GNG4: variants seen among roughly 807,000 people sequenced by gnomAD.
GNG4 encodes guanine nucleotide-binding protein G(I)/G(S)/G(O) subunit gamma-4.
GNG4 carries 4 observed loss-of-function variants against 5.8 expected under a neutral mutation model. The ratio of observed to expected loss-of-function variants is 0.69; its 90% CI spans 0.34 to 1.57. The LOEUF is 1.57. Among genes scored for constraint, GNG4 ranks in the 40% most tolerant of loss-of-function variants. The pLI is 0.06. For synonymous variants in GNG4, 29 were observed against 32.9 expected (o/e 0.88, Z 0.41); for missense variants, 96 against 95.1 (o/e 1.01, Z -0.04).
At chr1:235,585,769 G>A (rs1310630165) in intron 2 of GNG4, among the ~76,000 whole-genome samples, 1 of 152,030 alleles carries the variant, frequency 6.6e-6, no homozygotes, top group African/African-American at 2.4e-5. Flanking sequence ...CTGGGTCAAA[G>A]GTAAATGCAT....
chr1:235,594,821 G>A (rs1396134594), intron 2 of GNG4, among the ~76,000 whole-genome samples: 1 of 152,220 alleles, frequency 6.6e-6, no homozygotes, highest in Non-Finnish European at 1.5e-5. Flanking sequence ...AGCCCAGGAA[G>A]GGGCTCCCAC....
At chr1:235,643,111 T>C (rs1009932861) in intron 1 of GNG4, among the ~76,000 whole-genome samples, 2 of 152,266 alleles carry the variant, frequency 1.3e-5, no homozygotes, top group African/African-American at 4.8e-5. Context: ...CTTCCCCACA[T>C]GGCAGTCACA....
intron 2 of GNG4, among the ~76,000 whole-genome samples, chr1:235,584,124 C>G (rs1687708230): frequency 6.6e-6 from 1 of 152,174 alleles, no homozygotes; most frequent in Non-Finnish European, 1.5e-5. Context: ...TCACCCCCAC[C>G]ACTGCCACCA....
intron 3 of GNG4, among the ~76,000 whole-genome samples, chr1:235,552,792 C>A (rs1018522271): frequency 6.6e-6 from 1 of 152,032 alleles, no homozygotes; most frequent in African/African-American, 2.4e-5. Flanking sequence ...GGCAGAGTCT[C>A]GCTCTGTTGC....
intron 1 of GNG4, among the ~76,000 whole-genome samples, chr1:235,621,249 ATTTTTCTTTTTTCTTTCCTTTTTTTC>A (rs1558499983): frequency 2.1e-5 from 3 of 144,160 alleles, no homozygotes; most frequent in Non-Finnish European, 4.6e-5. Flanking sequence ...TTTTTTTTTA[ATTTTTCTTTTTTCTTTCCTTTTTTTC>A]TTTTTCTTTT....
chr1:235,585,352 G>T (rs1687733727), intron 2 of GNG4, among the ~76,000 whole-genome samples: 1 of 152,068 alleles, frequency 6.6e-6, no homozygotes, highest in South Asian at 2.1e-4. Flanking sequence ...CGATCCTCCT[G>T]CCTCAGCCTC....
intron 3 of GNG4, among the ~76,000 whole-genome samples, chr1:235,563,552 T>A (rs901281729): frequency 4.6e-5 from 7 of 152,154 alleles, no homozygotes; most frequent in Non-Finnish European, 7.3e-5. Flanking sequence ...ACAATTATCA[T>A]GCATGTTTTC....
intron 1 of GNG4, among the ~76,000 whole-genome samples, chr1:235,596,987 G>A (rs1453352549): frequency 1.3e-5 from 2 of 151,852 alleles, no homozygotes; most frequent in African/African-American, 2.4e-5. Context: ...TCCCACCTAC[G>A]GCCTCCCAAA....
intron 1 of GNG4, among the ~76,000 whole-genome samples, chr1:235,603,369 C>T (rs936944266): frequency 1.3e-5 from 2 of 152,040 alleles, no homozygotes; most frequent in Non-Finnish European, 2.9e-5. Flanking sequence ...TATCTGTACA[C>T]GTGGATGTGT....
intron 3 of GNG4, among the ~76,000 whole-genome samples, chr1:235,582,443 T>A (rs1237117374): frequency 6.6e-6 from 1 of 152,224 alleles, no homozygotes; most frequent in African/African-American, 2.4e-5. Flanking sequence ...CTGAGAAGTC[T>A]TCCCTGAGCC....
intron 2 of GNG4, among the ~76,000 whole-genome samples, chr1:235,593,137 T>C (rs552590375): frequency 1.3e-5 from 2 of 152,196 alleles, no homozygotes; most frequent in South Asian, 2.1e-4. Flanking sequence ...TTAGTAGAGA[T>C]GGGGTTTCAC....
At chr1:235,600,084 T>G (rs1688220909) in intron 1 of GNG4, among the ~76,000 whole-genome samples, 1 of 143,878 alleles carries the variant, frequency 7.0e-6, no homozygotes, top group Non-Finnish European at 1.5e-5. Flanking sequence ...TTCCTTTATC[T>G]GGTTGCGGAA....
intron 3 of GNG4, among the ~76,000 whole-genome samples, chr1:235,561,029 G>C (rs1207692320): frequency 6.6e-6 from 1 of 151,718 alleles, no homozygotes; most frequent in Non-Finnish European, 1.5e-5. Flanking sequence ...TTTTTCTTTT[G>C]AGACGGAGTC....
intron 2 of GNG4, among the ~76,000 whole-genome samples, chr1:235,590,757 T>G (rs1687939928): frequency 6.6e-6 from 1 of 152,162 alleles, no homozygotes; most frequent in Admixed American, 6.5e-5. Context: ...CGTCCGTATT[T>G]TACAATCTCC....
chr1:235,593,309 G>A (rs757703059), intron 2 of GNG4, among the ~76,000 whole-genome samples: 1 of 152,182 alleles, frequency 6.6e-6, no homozygotes, highest in Non-Finnish European at 1.5e-5. Context: ...ATACAAAGTT[G>A]GGGCTGGGAG....
intron 3 of GNG4, among the ~76,000 whole-genome samples, chr1:235,562,781 C>T (rs564792859): frequency 6.6e-6 from 1 of 151,178 alleles, no homozygotes; most frequent in Non-Finnish European, 1.5e-5. Context: ...TCTTCTTATC[C>T]ATGAACATGG....
Position 235,649,776 on chromosome 1 carries a change from G to A in GNG4, c.-237C>T, listed in dbSNP as rs1657617327. On this transcript the variant is annotated 5_prime_UTR_variant, in exon 1 of 4. Coordinates refer to ENST00000391854, the MANE Select transcript of GNG4 (RefSeq NM_001098722.2). The surrounding 1 kb of genome is among the most constrained non-coding windows in gnomAD (Gnocchi z 5.7). The stretch of plus-strand genomic sequence containing the variant: ...GGGCCGGGCTCGGGTGCAAACGCGC[G>A]CCTCGTGCCCCTCCCGCCGCCCGCG... 1 of 150,348 alleles carries A rather than the reference G, an allele frequency of 6.7e-6. No homozygotes were observed. The highest frequency in any genetic ancestry group is 2.4e-5 in the African/African-American group (1 of 41,226). 9.3% of individuals were successfully genotyped at this position (150,348 alleles called of 1,614,324 possible).
At chr1:235,630,930 G>T (rs184918109) in intron 1 of GNG4, among the ~76,000 whole-genome samples, 156 of 149,132 alleles carry the variant, frequency 1.0e-3, no homozygotes, top group Admixed American at 5.9e-3. Context: ...ACAGAGTCTT[G>T]CTCTGTCACC....
intron 2 of GNG4, among the ~76,000 whole-genome samples, chr1:235,592,502 CTT>C (rs1687996444): frequency 6.6e-6 from 1 of 152,126 alleles, no homozygotes; most frequent in Non-Finnish European, 1.5e-5. Context: ...GAATGAGACT[CTT>C]ATCTCTAAAT....
Sources: allele counts gnomAD v4.1 joint callset (sites outside exome capture counted in the v4.1 genomes callset), GRCh38; gene constraint gnomAD v4.1.1; non-coding constraint Gnocchi (gnomAD v3.1); transcripts MANE v1.5; gene names NCBI Gene and HGNC (gene_info 2026-07-23, HGNC 2026-07-21).